The following CHST12 variants were observed in gnomAD, a reference collection of about 807,000 sequenced individuals.
CHST12 encodes the protein carbohydrate (chondroitin 4) sulfotransferase 12.
A neutral mutation model predicts 27.9 loss-of-function variants in CHST12; 23 were observed. That is an observed-to-expected ratio of 0.82 (90% CI 0.59 to 1.17). The LOEUF (loss-of-function observed/expected upper bound fraction) is 1.17. Among genes scored for constraint, CHST12 ranks in the 50% most tolerant of loss-of-function variants. The probability of loss-of-function intolerance (pLI) is 0.00; values close to 1 mark genes in which losing one functional copy is unlikely to be tolerated. For missense variants in CHST12, 682 were observed against 603.0 expected (o/e 1.13, Z -1.37); for synonymous variants, 322 against 273.0 (o/e 1.18, Z -1.77).
chr7:2,415,237 G>T (rs1781772756), intron 1 of CHST12, among the ~76,000 whole-genome samples: 2 of 151,910 alleles, frequency 1.3e-5, no homozygotes, highest in South Asian at 4.2e-4. Context: ...GTGGTGGTGG[G>T]CGCCTGTAAT....
chr7:2,434,102 C>T lies in CHST12; in HGVS notation c.*218C>T, dbSNP rs575367473. 2,760 of 409,398 alleles carry T rather than the reference C, an allele frequency of 6.7e-3. 27 individuals are homozygous for T. The highest frequency in any genetic ancestry group is 9.1e-3 in the Non-Finnish European group (2,085 of 229,582). 25.4% of individuals were successfully genotyped at this position (409,398 alleles called of 1,614,324 possible). On this transcript the variant is annotated 3_prime_UTR_variant, in exon 2 of 2. Transcript: ENST00000618655. ...TGGAGTAAAATATCCCCTCTCCCCT[C>T]CGCCCGCCCACCCGCCCGCCCGCTC... is the stretch of plus-strand genomic sequence containing the variant.
intron 1 of CHST12, among the ~76,000 whole-genome samples, chr7:2,432,268 G>C (rs984255249): frequency 6.6e-6 from 1 of 151,262 alleles, no homozygotes; most frequent in Non-Finnish European, 1.5e-5. Context: ...CTCTTCTTGG[G>C]AGTTGTGGGC....
intron 1 of CHST12, among the ~76,000 whole-genome samples, chr7:2,425,592 A>G (rs1782094929): frequency 6.6e-6 from 1 of 152,064 alleles, no homozygotes; most frequent in South Asian, 2.1e-4. Flanking sequence ...TTGTGAGCAC[A>G]GGTGGTGAGT....
chr7:2,426,592 G>A (rs1221545320), intron 1 of CHST12, among the ~76,000 whole-genome samples: 2 of 151,736 alleles, frequency 1.3e-5, no homozygotes, highest in South Asian at 2.1e-4. Context: ...TGGTGGTAAG[G>A]TACTCACTCT....
At chr7:2,413,410 C>A (rs1261795077) in intron 1 of CHST12, among the ~76,000 whole-genome samples, 1 of 152,208 alleles carries the variant, frequency 6.6e-6, no homozygotes, top group Non-Finnish European at 1.5e-5. Flanking sequence ...GATTTACATG[C>A]AATAAAACGT....
Position 2,403,636 on chromosome 7 carries a change from C to CGGGCGCGAGGTGAG in CHST12, c.-98_-85dup. ...AGTCGCGGGGCGGCGGCGGCGGCTG[C>CGGGCGCGAGGTGAG]GGGCGCGAGGTGAGGGGCGCGAGGT... On this transcript the variant is annotated 5_prime_UTR_variant, in exon 1 of 2. Coordinates refer to ENST00000618655, the MANE Select transcript of CHST12 (RefSeq NM_018641.5). 3 of 142,938 alleles carry CGGGCGCGAGGTGAG rather than the reference C, an allele frequency of 2.1e-5. No individual in the cohort carries two copies. Among genetic ancestry groups the CGGGCGCGAGGTGAG allele is most frequent in the East Asian group, 2.0e-4 (1 of 4,890 alleles). 8.9% of individuals were successfully genotyped at this position (142,938 alleles called of 1,614,324 possible).
chr7:2,424,001 G>A (rs932703899), intron 1 of CHST12, among the ~76,000 whole-genome samples: 9 of 151,514 alleles, frequency 5.9e-5, no homozygotes, highest in Admixed American at 2.6e-4. Context: ...GCAGTGAGCC[G>A]AGATTGCAGC....
chr7:2,416,859 A>C (rs1781821463), intron 1 of CHST12, among the ~76,000 whole-genome samples: 1 of 152,118 alleles, frequency 6.6e-6, no homozygotes, highest in South Asian at 2.1e-4. Flanking sequence ...AAAAGAAGGG[A>C]GTGGGGCAGA....
intron 1 of CHST12, among the ~76,000 whole-genome samples, chr7:2,429,654 G>C (rs1782223815): frequency 1.3e-5 from 2 of 152,076 alleles, no homozygotes; most frequent in Non-Finnish European, 2.9e-5. Flanking sequence ...CTAAATTTGT[G>C]GGCGTAAAAT....
rs1483400058 is a variant in CHST12, at chr7:2,432,885, C to T, written c.246C>T (p.Asp82=). 1.9e-6 allele frequency: 3 copies of T among 1,613,592 alleles called. No individual in the cohort carries two copies. Among genetic ancestry groups the T allele is most frequent in the Non-Finnish European group, 2.5e-6 (3 of 1,179,894 alleles). ...TCAGTGCTGGCGTGAAGCAGAGCGA[C>T]CTTCCCAGAAAGGAGACGGAGCAGC... The part of the protein sequence containing the change: ...KFLSAGVKQS[D]LPRKETEQPP... Residue 82 remains aspartate, a synonymous_variant, in exon 2 of 2, where the codon GAC becomes GAT. Transcript: ENST00000618655.
chr7:2,425,625 G>A (rs561159795), intron 1 of CHST12, among the ~76,000 whole-genome samples: 51 of 151,944 alleles, frequency 3.4e-4, no homozygotes, highest in African/African-American at 1.1e-3. Flanking sequence ...CCACACGCGG[G>A]ACAGGTGCAG....
chr7:2,418,024 C>T (rs904570443), intron 1 of CHST12, among the ~76,000 whole-genome samples: 2 of 152,264 alleles, frequency 1.3e-5, no homozygotes, highest in Non-Finnish European at 2.9e-5. Context: ...GGTCACGTCA[C>T]GGTGACACAC....
chr7:2,416,430 A>G (rs963790819), intron 1 of CHST12, among the ~76,000 whole-genome samples: 21 of 152,172 alleles, frequency 1.4e-4, no homozygotes, highest in African/African-American at 5.1e-4. Flanking sequence ...AAGGCATTAG[A>G]ATGGTGAATC....
chr7:2,433,541 C>G lies in CHST12; in HGVS notation c.902C>G (p.Ala301Gly), dbSNP rs1036068705. The part of the protein sequence containing the change: ...AFRAGLKVSF[A>G]NFIQYLLDPH... Reference sequence around the variant, plus strand: ...CGCGCTGGCCTCAAGGTGTCCTTCGCCAACTTCATCCAGTACCTGCTGGAC... The same window carrying G: ...CGCGCTGGCCTCAAGGTGTCCTTCGGCAACTTCATCCAGTACCTGCTGGAC... The change falls in exon 2 of 2, where the codon GCC becomes GGC. Residue 301 changes from alanine to glycine, a missense_variant. Physicochemically the swap from Ala to Gly is moderately conservative, Grantham distance 60. Coordinates refer to ENST00000618655, the MANE Select transcript of CHST12 (RefSeq NM_018641.5). The surrounding 1 kb of genome is among the most constrained non-coding windows in gnomAD (Gnocchi z 6.1). The G allele has an allele frequency of 1.2e-6, 2 of 1,613,128 alleles. No individual in the cohort carries two copies. The highest frequency in any genetic ancestry group is 2.7e-5 in the African/African-American group (2 of 74,940).
rs574268953 is a variant in CHST12, at chr7:2,435,416, C to T, written c.*1532C>T. The T allele has an allele frequency of 2.0e-5, 3 of 152,344 alleles. No homozygotes were observed. Among genetic ancestry groups the T allele is most frequent in the South Asian group, 4.2e-4 (2 of 4,814 alleles). 9.4% of individuals were successfully genotyped at this position (152,344 alleles called of 1,614,324 possible). A position where few individuals can be genotyped will look rare whatever the true frequency, so the allele number is the denominator to read the frequency against. On this transcript the variant is annotated 3_prime_UTR_variant, in exon 2 of 2. Transcript: ENST00000618655. ...CTGGTTGGTTTAGCTCCAGTGCCTTCACCCTCAAGGACACGACTGACCTTG... is the reference window on the plus strand; with the variant it reads ...CTGGTTGGTTTAGCTCCAGTGCCTTTACCCTCAAGGACACGACTGACCTTG...
chr7:2,446,816 G>A lies in CHST12; in HGVS notation c.*12932G>A, dbSNP rs564198311. The A allele has an allele frequency of 6.6e-6, 1 of 152,578 alleles. No individual in the cohort carries two copies. Among genetic ancestry groups the A allele is most frequent in the Non-Finnish European group, 1.5e-5 (1 of 68,240 alleles). 9.5% of individuals were successfully genotyped at this position (152,578 alleles called of 1,614,324 possible). On this transcript the variant is annotated 3_prime_UTR_variant, in exon 2 of 2. Coordinates refer to ENST00000618655, the MANE Select transcript of CHST12 (RefSeq NM_018641.5). ...GGGCCTCACATCCTGCCGTCCCTGT[G>A]GGAGATTGGAGCGGTCCCAGTGCCC... is the stretch of plus-strand genomic sequence containing the variant.
rs571043155 is a variant in CHST12 at position 2,432,962 on chromosome 7, C to T, written c.323C>T (p.Pro108Leu). ...EESVRGYDWS[P>L]RDARRSPDQG... Reference sequence around the variant, plus strand: ...AGCGTGAGAGGCTACGACTGGTCCCCGCGCGACGCCCGGCGCAGCCCAGAC... The same window carrying T: ...AGCGTGAGAGGCTACGACTGGTCCCTGCGCGACGCCCGGCGCAGCCCAGAC... Residue 108 changes from proline to leucine, a missense_variant, in exon 2 of 2, where the codon CCG (proline) becomes CTG (leucine). By Grantham distance (98) the Pro-to-Leu change is moderately conservative. Coordinates refer to ENST00000618655, the MANE Select transcript of CHST12 (RefSeq NM_018641.5). The T allele has an allele frequency of 1.6e-5, 26 of 1,609,558 alleles. No homozygotes were observed. The East Asian group carries it at 2.5e-4, about 15-fold the overall frequency.
At position 2,434,139 on chromosome 7, in the gene CHST12, C is replaced by CGCTCGCCCGCTCGCCA; in HGVS notation, c.*259_*260insGCCCGCTCGCCAGCTC. On this transcript the variant is annotated 3_prime_UTR_variant, in exon 2 of 2. Coordinates refer to ENST00000618655, the MANE Select transcript of CHST12 (RefSeq NM_018641.5). ...CCGCCCGCCCGCTCGCCCGCTCGCC[C>CGCTCGCCCGCTCGCCA]GCTCCTGTGGTTTTTCTGAGCGTGC... 1 of 335,872 alleles carries CGCTCGCCCGCTCGCCA rather than the reference C, an allele frequency of 3.0e-6. No homozygotes were observed. The highest frequency in any genetic ancestry group is 2.1e-5 in the African/African-American group (1 of 46,622). 20.8% of individuals were successfully genotyped at this position (335,872 alleles called of 1,614,324 possible).
intron 1 of CHST12, 96 bp from the exon 2 acceptor site, chr7:2,432,467 C>T: frequency 1.3e-6 from 1 of 754,158 alleles, no homozygotes; most frequent in Non-Finnish European, 2.1e-6. Context: ...CCCAGCGCTC[C>T]TGCTCCTCCG....
Sources: gnomAD v4.1 joint callset for allele counts (sites outside exome capture counted in the v4.1 genomes callset) on GRCh38, gnomAD v4.1.1 for gene constraint, Gnocchi (gnomAD v3.1) non-coding constraint, MANE v1.5 for transcripts, NCBI Gene and HGNC (gene_info 2026-07-23, HGNC 2026-07-21) for gene names.